The following PLEKHH2 variants were observed in gnomAD, a reference collection of about 807,000 sequenced individuals.
PLEKHH2 encodes the protein pleckstrin homology, MyTH4 and FERM domain containing H2.
PLEKHH2 carries 129 observed loss-of-function variants against 187.9 expected under a neutral mutation model. The ratio of observed to expected loss-of-function variants is 0.69; its 90% CI spans 0.59 to 0.79. PLEKHH2 has a LOEUF of 0.79. Among genes scored for constraint, PLEKHH2 ranks in the 30% least tolerant of loss-of-function variants. PLEKHH2 has a pLI of 0.00. For synonymous variants in PLEKHH2, 686 were observed against 605.6 expected (o/e 1.13, Z -1.95); for missense variants, 2,076 against 1,751.2 (o/e 1.19, Z -3.31).
At position 43,742,889 on chromosome 2, in the gene PLEKHH2, C is replaced by A; in HGVS notation, c.3370C>A (p.Pro1124Thr). ...TCACCATTCTTTGCCCTTTAGTATA[C>A]CTGTGCACTTCATGAATGGGATATA... is the stretch of plus-strand genomic sequence containing the variant. ...PYHHSLPFSI[P>T]VHFMNGIYQV... Residue 1124 changes from proline (P) to threonine (T), a missense_variant, in exon 22 of 30, where the codon CCT (proline) becomes ACT (threonine). Physicochemically the swap from Pro to Thr is conservative, Grantham distance 38. Transcript: ENST00000282406. 6.3e-7 allele frequency: 1 copy of A among 1,584,728 alleles called. No individual in the cohort carries two copies. Among genetic ancestry groups the A allele is most frequent in the Non-Finnish European group, 8.6e-7 (1 of 1,168,992 alleles).
chr2:43,758,988 A>C lies in PLEKHH2; in HGVS notation c.4030A>C (p.Arg1344=). 6.2e-7 allele frequency: 1 copy of C among 1,613,026 alleles called. No individual in the cohort carries two copies. Among genetic ancestry groups the C allele is most frequent in the Non-Finnish European group, 8.5e-7 (1 of 1,179,162 alleles). The change falls in exon 27 of 30, where the codon AGG becomes CGG. Residue 1344 remains arginine, a synonymous_variant. Transcript: ENST00000282406. The part of the protein sequence containing the change: ...DCVRIYLTVA[R]KWPFFGAKLF... ...TGTGCGCATTTATTTGACAGTAGCCAGGAAGTGGCCATTCTTTGGTGCCAA... is the reference window on the plus strand; with the variant it reads ...TGTGCGCATTTATTTGACAGTAGCCCGGAAGTGGCCATTCTTTGGTGCCAA...
In PLEKHH2 at chr2:43,745,951, C is replaced by T. The variant is rs1173162251; in HGVS notation, c.3641C>T (p.Thr1214Ile). ...GAAGGTACAAGGACTGTTCGTCTGA[C>T]ATACAAAAACAGGTGTGTAATACTG... is the stretch of plus-strand genomic sequence containing the variant. ...KCEGTRTVRLTYKNRLYFSVQ... is the reference protein window; with the variant it reads ...KCEGTRTVRLIYKNRLYFSVQ... The change falls in exon 24 of 30, where the codon ACA (threonine) becomes ATA (isoleucine). Residue 1214 changes from threonine to isoleucine, a missense_variant. Coordinates refer to ENST00000282406, the MANE Select transcript of PLEKHH2 (RefSeq NM_172069.4). The T allele has an allele frequency of 1.2e-6, 2 of 1,606,638 alleles. No homozygotes were observed. The highest frequency in any genetic ancestry group is 1.7e-6 in the Non-Finnish European group (2 of 1,174,672).
intron 12 of PLEKHH2, 27 bp from the exon 13 acceptor site, chr2:43,710,193 T>A: frequency 6.2e-7 from 1 of 1,611,220 alleles, no homozygotes; most frequent in Non-Finnish European, 8.5e-7. Context: ...AAACTGAAAA[T>A]GCTTTTGTCT....
At chr2:43,694,671 T>C (rs1669001872) in intron 5 of PLEKHH2, among the ~76,000 whole-genome samples, 157 bp downstream of exon 5, 1 of 152,238 alleles carries the variant, frequency 6.6e-6, no homozygotes, top group African/African-American at 2.4e-5. Flanking sequence ...GCTTTCATTT[T>C]AATATCCAGT....
chr2:43,696,542 C>G (rs1238863271), intron 6 of PLEKHH2, among the ~76,000 whole-genome samples: 1 of 151,598 alleles, frequency 6.6e-6, no homozygotes, highest in East Asian at 1.9e-4. Flanking sequence ...AGATGCTGAC[C>G]TAATCACTTC....
At chr2:43,669,261 T>C (rs1020394333) in intron 2 of PLEKHH2, among the ~76,000 whole-genome samples, 5 of 151,994 alleles carry the variant, frequency 3.3e-5, no homozygotes, top group Non-Finnish European at 5.9e-5. Flanking sequence ...CCAATAAACA[T>C]GGAAAAAGGT....
At chr2:43,681,077 A>G in intron 3 of PLEKHH2, 1 of 1,242,956 alleles carries the variant, frequency 8.0e-7, no homozygotes, top group Non-Finnish European at 1.1e-6. Context: ...CTACTGTTCC[A>G]CTATTTGAAT....
In PLEKHH2 at chr2:43,707,447, G is replaced by T. The variant is rs372149196; in HGVS notation, c.1868G>T (p.Gly623Val). Reference sequence around the variant, plus strand: ...AGCCCTTTCCTGGATGACTCATCTGGGTCAGAGGAAGAAGACAGCTCCAGA... The same window carrying T: ...AGCCCTTTCCTGGATGACTCATCTGTGTCAGAGGAAGAAGACAGCTCCAGA... ...SSSPFLDDSS[G>V]SEEEDSSRSS... Residue 623 changes from glycine to valine, a missense_variant, in exon 11 of 30, where the codon GGG becomes GTG. By Grantham distance (109) the Gly-to-Val change is moderately radical (BLOSUM62 -3). Transcript: ENST00000282406. 1.2e-6 allele frequency: 2 copies of T among 1,614,086 alleles called. No homozygotes were observed. Among genetic ancestry groups the T allele is most frequent in the East Asian group, 2.2e-5 (1 of 44,876 alleles).
chr2:43,685,996 G>C (rs530681262), intron 3 of PLEKHH2, among the ~76,000 whole-genome samples: 2 of 152,008 alleles, frequency 1.3e-5, no homozygotes, highest in East Asian at 3.9e-4. Flanking sequence ...TATCCTTTTG[G>C]GCTTGATCCC....
In PLEKHH2 at chr2:43,660,410, A is replaced by C. The variant is rs537922373; in HGVS notation, c.123+15614A>C. On this transcript the variant is annotated intron_variant, in intron 2 of 29. Coordinates refer to ENST00000282406, the MANE Select transcript of PLEKHH2 (RefSeq NM_172069.4). ...AGTAAACACCTAGGAGTAGGGTTAT[A>C]GGTCTATGGTAAACATATGTTTAAC... 1.1e-4 allele frequency among the ~76,000 whole-genome samples: 16 copies of C among 147,436 alleles called. No individual in the cohort carries two copies. The East Asian group carries it at 3.2e-3, about 29-fold the overall frequency.
At chr2:43,648,669 C>T (rs930268578) in intron 2 of PLEKHH2, among the ~76,000 whole-genome samples, 1 of 151,820 alleles carries the variant, frequency 6.6e-6, no homozygotes, top group Admixed American at 6.6e-5. Flanking sequence ...CAACCTCCAC[C>T]TCCTGGATTC....
chr2:43,738,887 G>C (rs1011791757), intron 20 of PLEKHH2, among the ~76,000 whole-genome samples: 3 of 152,122 alleles, frequency 2.0e-5, no homozygotes, highest in African/African-American at 7.2e-5. Flanking sequence ...TACCTCTGCA[G>C]TAGACATCTT....
chr2:43,741,201 A>G, intron 21 of PLEKHH2, 158 bp downstream of exon 21: 1 of 534,034 alleles, frequency 1.9e-6, no homozygotes, highest in Non-Finnish European at 3.1e-6. Context: ...TGGAGCTAGG[A>G]AAATATTTCC....
intron 3 of PLEKHH2, among the ~76,000 whole-genome samples, chr2:43,684,130 T>A (rs1323558132): frequency 1.3e-5 from 2 of 152,132 alleles, no homozygotes; most frequent in African/African-American, 4.8e-5. Flanking sequence ...ATGCTGTGTA[T>A]CCTCTTCTAT....
intron 2 of PLEKHH2, chr2:43,675,622 G>A (rs1667714834): frequency 1.2e-6 from 2 of 1,613,670 alleles, no homozygotes; most frequent in East Asian, 4.5e-5. Context: ...ATAATCCTCT[G>A]CATTTTCTGC....
intron 14 of PLEKHH2, chr2:43,710,960 G>C (rs1669936058): frequency 2.0e-6 from 2 of 1,006,754 alleles, no homozygotes; most frequent in Non-Finnish European, 2.4e-6. Context: ...TTTTAATATA[G>C]AATCTGAAAA....
intron 16 of PLEKHH2, 88 bp from the exon 17 acceptor site, chr2:43,726,184 A>G: frequency 1.1e-6 from 1 of 932,014 alleles, no homozygotes; most frequent in Non-Finnish European, 1.6e-6. Flanking sequence ...TATGCTTTAT[A>G]AATTTAAAAA....
chr2:43,740,910 C>A, intron 20 of PLEKHH2, 36 bp from the exon 21 acceptor site: 2 of 1,605,642 alleles, frequency 1.2e-6, no homozygotes, highest in South Asian at 1.1e-5. Context: ...CTGACTGGCA[C>A]GTGGTATCTA....
In PLEKHH2 at chr2:43,726,363, G is replaced by T. The variant is rs770358671; in HGVS notation, c.2633G>T (p.Arg878Leu). The T allele has an allele frequency of 1.2e-6, 2 of 1,610,524 alleles. No homozygotes were observed. Among genetic ancestry groups the T allele is most frequent in the East Asian group, 4.5e-5 (2 of 44,822 alleles). The change falls in exon 17 of 30, where the codon CGA becomes CTA. Residue 878 changes from arginine to leucine, a missense_variant. By Grantham distance (102) the Arg-to-Leu change is moderately radical (BLOSUM62 -2). Coordinates refer to ENST00000282406, the MANE Select transcript of PLEKHH2 (RefSeq NM_172069.4). ...GATGAAGATTATGAAGCCAGTGGAC[G>T]AAGTCTGTTATCCACACATTATACT... ...DSDEDYEASG[R>L]SLLSTHYTIV...
Sources: gnomAD v4.1 joint callset for allele counts (sites outside exome capture counted in the v4.1 genomes callset) on GRCh38, gnomAD v4.1.1 for gene constraint, MANE v1.5 for transcripts, NCBI Gene and HGNC (gene_info 2026-07-23, HGNC 2026-07-21) for gene names.